GLIPR1: variants seen among roughly 807,000 people sequenced by gnomAD.
The protein encoded by GLIPR1 is GLI pathogenesis related 1, also known as glioma pathogenesis-related protein 1.
A neutral mutation model predicts 30.3 loss-of-function variants in GLIPR1; 38 were observed. That is an observed-to-expected ratio of 1.26 (90% CI 0.97 to 1.65). GLIPR1 has a LOEUF of 1.65. Ranked by LOEUF, GLIPR1 falls within the 40% of genes most tolerant of loss-of-function variation. The pLI is 0.00. For synonymous variants in GLIPR1, 122 were observed against 110.6 expected, an observed-to-expected ratio of 1.10 and a Z score of -0.65; for missense variants, 285 against 326.5, an observed-to-expected ratio of 0.87 and a Z score of 0.98.
chr12:75,490,528 T>A lies in GLIPR1; in HGVS notation c.533+10T>A. ...GCAACTACGGACCAGGGTAAGTGCCTGAATCAACCGGTTTATAGGAAACGC... is the reference window on the plus strand; with the variant it reads ...GCAACTACGGACCAGGGTAAGTGCCAGAATCAACCGGTTTATAGGAAACGC... On this transcript the variant is annotated intron_variant, in intron 3 of 5. Transcript: ENST00000266659. 1.3e-6 allele frequency: 1 copy of A among 749,850 alleles called. No individual in the cohort carries two copies. Among genetic ancestry groups the A allele is most frequent in the South Asian group, 1.4e-5 (1 of 69,960 alleles). 46.4% of individuals were successfully genotyped at this position (749,850 alleles called of 1,614,324 possible).
chr12:75,485,687 A>G (rs979802097), intron 2 of GLIPR1, among the ~76,000 whole-genome samples: 17 of 150,660 alleles, frequency 1.1e-4, no homozygotes, highest in Admixed American at 2.6e-4. Flanking sequence ...AGTAGCTGGG[A>G]CTACAGGCGC....
In GLIPR1 at chr12:75,480,809, C is replaced by G; in HGVS notation, c.-72C>G. On this transcript the variant is annotated 5_prime_UTR_variant, in exon 1 of 6. Transcript: ENST00000266659. ...TTTGCAAAGCTGTGGGCTGAGCACT[C>G]AGGCAATCACACTCTCAGAAACTGC... 1 of 1,203,370 alleles carries G rather than the reference C, an allele frequency of 8.3e-7. No homozygotes were observed. Among genetic ancestry groups the G allele is most frequent in the Non-Finnish European group, 1.2e-6 (1 of 843,128 alleles). 74.5% of individuals were successfully genotyped at this position (1,203,370 alleles called of 1,614,324 possible).
rs1314832597 is a variant in GLIPR1 at position 75,481,182 on chromosome 12, TCA to T, written c.174+131_174+132del. The T allele has an allele frequency of 1.7e-5, 11 of 658,418 alleles. No homozygotes were observed. In the African/African-American group the frequency reaches 1.8e-4, roughly 11 times the overall value. The allele number at this position is 658,418 out of a possible 1,614,324, so 40.8% of individuals were successfully genotyped here. A position where few individuals can be genotyped will look rare whatever the true frequency, so the allele number is the denominator to read the frequency against. ...ATTGTGATTAATGTATGCAGTAAAT[TCA>T]CAGTCTGTGATCAAAACACATCCAG... On this transcript the variant is annotated intron_variant, in intron 1 of 5. Coordinates refer to ENST00000266659, the MANE Select transcript of GLIPR1 (RefSeq NM_006851.3).
intron 2 of GLIPR1, among the ~76,000 whole-genome samples, chr12:75,488,949 G>A (rs1374935571): frequency 6.6e-6 from 1 of 152,076 alleles, no homozygotes; most frequent in Non-Finnish European, 1.5e-5. Flanking sequence ...AATGTATTTG[G>A]CACAGTTCTT....
intron 4 of GLIPR1, chr12:75,495,910 G>A (rs2046347819): frequency 3.6e-6 from 1 of 279,190 alleles, no homozygotes; most frequent in Non-Finnish European, 6.6e-6. Flanking sequence ...GTCAGAAACT[G>A]TAGACTAAGA....
In GLIPR1 at chr12:75,499,447, G is replaced by T. The variant is rs143054392; in HGVS notation, c.*469G>T. ...TAGAGGCCTTAATTTTCTGTTCATG[G>T]ACTGTTAAAAGTAAAACCAAACTTT... On this transcript the variant is annotated 3_prime_UTR_variant, in exon 6 of 6. Transcript: ENST00000266659. 2.6e-3 allele frequency: 420 copies of T among 162,960 alleles called. 2 individuals carry two copies. The highest frequency in any genetic ancestry group is 9.7e-3 in the African/African-American group (405 of 41,856). The allele number at this position is 162,960 out of a possible 1,614,324, so 10.1% of individuals were successfully genotyped here.
intron 3 of GLIPR1, chr12:75,492,477 G>C (rs1161366383): frequency 6.6e-6 from 1 of 152,146 alleles, no homozygotes; most frequent in African/African-American, 2.4e-5. Context: ...AATAGATCAG[G>C]GTTACAGGAC....
At chr12:75,481,790 A>G in intron 1 of GLIPR1, 44 bp from the exon 2 acceptor site, 1 of 1,593,182 alleles carries the variant, frequency 6.3e-7, no homozygotes, top group African/African-American at 1.3e-5. Context: ...CACCCCAGTT[A>G]CATTTCAGAT....
At position 75,499,953 on chromosome 12, in the gene GLIPR1, T is replaced by TAGAC; in HGVS notation, c.*977_*980dup. On this transcript the variant is annotated 3_prime_UTR_variant, in exon 6 of 6. Coordinates refer to ENST00000266659, the MANE Select transcript of GLIPR1 (RefSeq NM_006851.3). ...CATCAATTTTAGTTTCAGTAGAAGC[T>TAGAC]AGACAAATTAAAAGCACAACACATG... 1 of 1,593,990 alleles carries TAGAC rather than the reference T, an allele frequency of 6.3e-7. No homozygotes were observed. The highest frequency in any genetic ancestry group is 2.3e-5 in the East Asian group (1 of 44,186).
Position 75,499,919 on chromosome 12 carries a change from T to G in GLIPR1, c.*941T>G. ...TTTGCTTTCTTAACCTTTTCCTTGATGCTGGCCACATCAATTTTAGTTTCA... is the reference window on the plus strand; with the variant it reads ...TTTGCTTTCTTAACCTTTTCCTTGAGGCTGGCCACATCAATTTTAGTTTCA... On this transcript the variant is annotated 3_prime_UTR_variant, in exon 6 of 6. Transcript: ENST00000266659. 1 of 1,606,602 alleles carries G rather than the reference T, an allele frequency of 6.2e-7. No individual in the cohort carries two copies. The highest frequency in any genetic ancestry group is 2.2e-5 in the East Asian group (1 of 44,588).
Position 75,481,957 on chromosome 12 carries a change from A to G in GLIPR1, c.298A>G (p.Ile100Val), listed in dbSNP as rs763254899. 8.7e-6 allele frequency: 14 copies of G among 1,614,214 alleles called. No individual in the cohort carries two copies. The highest frequency in any genetic ancestry group is 1.1e-5 in the Non-Finnish European group (13 of 1,180,032). Reference sequence around the variant, plus strand: ...AAACTTCACTTCACTGGGAGAGAACATCTGGACTGGGTCTGTGCCCATTTT... The same window carrying G: ...AAACTTCACTTCACTGGGAGAGAACGTCTGGACTGGGTCTGTGCCCATTTT... ...HPNFTSLGEN[I>V]WTGSVPIFSV... is the part of the protein sequence containing the mutation. Residue 100 changes from isoleucine to valine, a missense_variant, in exon 2 of 6, where the codon ATC becomes GTC. Coordinates refer to ENST00000266659, the MANE Select transcript of GLIPR1 (RefSeq NM_006851.3).
In GLIPR1 at chr12:75,501,597, G is replaced by A; in HGVS notation, c.*2619G>A. On this transcript the variant is annotated 3_prime_UTR_variant, in exon 6 of 6. Transcript: ENST00000266659. ...CAGCCATCCCTTGTCCTTAGGATTA[G>A]TAATTAATGAAATGCTAAGAGAACT... 1.5e-6 allele frequency: 1 copy of A among 650,010 alleles called. No individual in the cohort carries two copies. Among genetic ancestry groups the A allele is most frequent in the Non-Finnish European group, 2.6e-6 (1 of 380,194 alleles). 40.3% of individuals were successfully genotyped at this position (650,010 alleles called of 1,614,324 possible).
chr12:75,499,764 T>G lies in GLIPR1; in HGVS notation c.*786T>G, dbSNP rs1482180616. The G allele has an allele frequency of 6.8e-7, 1 of 1,471,040 alleles. No individual in the cohort carries two copies. The highest frequency in any genetic ancestry group is 9.1e-7 in the Non-Finnish European group (1 of 1,098,088). The allele number at this position is 1,471,040 out of a possible 1,614,324, so 91.1% of individuals were successfully genotyped here. A position where few individuals can be genotyped will look rare whatever the true frequency, so the allele number is the denominator to read the frequency against. On this transcript the variant is annotated 3_prime_UTR_variant, in exon 6 of 6. Transcript: ENST00000266659. ...GCAACTAATGCCTGATATCTCAAAA[T>G]CCTTTACAAAAGGAGATAGTTCTAG...
chr12:75,495,431 C>T, intron 3 of GLIPR1, 146 bp from the exon 4 acceptor site: 1 of 572,962 alleles, frequency 1.7e-6, no homozygotes, highest in Non-Finnish European at 3.2e-6. Flanking sequence ...TCCATTTCTG[C>T]CTTCCTGTCT....
rs931346692 is a variant in GLIPR1, at chr12:75,503,835, A to T, written c.*4857A>T. ...CACATATCCCACCTGAAATACTTTC[A>T]ATAAAGTTTCTGACCAAATACATTA... On this transcript the variant is annotated 3_prime_UTR_variant, in exon 6 of 6. Coordinates refer to ENST00000266659, the MANE Select transcript of GLIPR1 (RefSeq NM_006851.3). 4.6e-5 allele frequency: 63 copies of T among 1,379,876 alleles called. No individual in the cohort carries two copies. In the African/African-American group the frequency reaches 7.7e-4, roughly 17 times the overall value. The allele number at this position is 1,379,876 out of a possible 1,614,324, so 85.5% of individuals were successfully genotyped here.
chr12:75,482,631 T>C (rs1183548994), intron 2 of GLIPR1, among the ~76,000 whole-genome samples: 1 of 151,958 alleles, frequency 6.6e-6, no homozygotes, highest in Non-Finnish European at 1.5e-5. Flanking sequence ...ACGTGTAAAC[T>C]TATATGAACC....
intron 2 of GLIPR1, among the ~76,000 whole-genome samples, chr12:75,486,007 GGTGCA>G (rs2046292741): frequency 6.6e-6 from 1 of 152,128 alleles, no homozygotes; most frequent in Admixed American, 6.6e-5. Flanking sequence ...GGGTTCCCCA[GGTGCA>G]GTGCTTTTGT....
chr12:75,500,814 C>T lies in GLIPR1; in HGVS notation c.*1836C>T, dbSNP rs1283708563. The stretch of plus-strand genomic sequence containing the variant: ...AAGCACAGAGTGTTAAAGCCTCCAC[C>T]GTGTGGAGAAACTAAATTAGGGTAA... On this transcript the variant is annotated 3_prime_UTR_variant, in exon 6 of 6. Coordinates refer to ENST00000266659, the MANE Select transcript of GLIPR1 (RefSeq NM_006851.3). 6.6e-6 allele frequency: 1 copy of T among 151,956 alleles called. No homozygotes were observed. Among genetic ancestry groups the T allele is most frequent in the East Asian group, 1.9e-4 (1 of 5,190 alleles). The allele number at this position is 151,956 out of a possible 1,614,324, so 9.4% of individuals were successfully genotyped here. A position where few individuals can be genotyped will look rare whatever the true frequency, so the allele number is the denominator to read the frequency against.
rs2046265904 is a variant in GLIPR1, at chr12:75,480,762, C to T, written c.-119C>T. 3.0e-6 allele frequency: 2 copies of T among 667,504 alleles called. No homozygotes were observed. The highest frequency in any genetic ancestry group is 5.1e-6 in the Non-Finnish European group (2 of 389,528). 41.3% of individuals were successfully genotyped at this position (667,504 alleles called of 1,614,324 possible). A position where few individuals can be genotyped will look rare whatever the true frequency, so the allele number is the denominator to read the frequency against. On this transcript the variant is annotated 5_prime_UTR_variant, in exon 1 of 6. Transcript: ENST00000266659. ...ATGAACTCATGCTCTGTTCTGTTTT[C>T]TCAAAGCTGAAGTCGGCTAGGTTTG...
Sources: allele counts gnomAD v4.1 joint callset (sites outside exome capture counted in the v4.1 genomes callset), GRCh38; gene constraint gnomAD v4.1.1; transcripts MANE v1.5; gene names NCBI Gene and HGNC (gene_info 2026-07-23, HGNC 2026-07-21).